The following RBFOX1 variants were observed in gnomAD, a reference collection of about 807,000 sequenced individuals.
RBFOX1 encodes the protein RNA binding fox-1 homolog 1, also known as RNA binding protein fox-1 homolog 1.
RBFOX1 carries 8 observed loss-of-function variants against 57.7 expected under a neutral mutation model. The observed-to-expected ratio is 0.14, with a 90% confidence interval of 0.08 to 0.25. The LOEUF (loss-of-function observed/expected upper bound fraction) is 0.25. Ranked by LOEUF, RBFOX1 falls within the 10% of genes least tolerant of loss-of-function variation. The pLI, the probability that RBFOX1 is intolerant of heterozygous loss-of-function variation, is 1.00. For synonymous variants in RBFOX1, 326 were observed against 222.4 expected, an observed-to-expected ratio of 1.47 and a Z score of -4.15; for missense variants, 611 against 548.5, an observed-to-expected ratio of 1.11 and a Z score of -1.14.
At position 5,559,161 on chromosome 16, in the gene RBFOX1, C is replaced by CT. The variant is rs1427081191; in HGVS notation, c.259-39741_259-39740insT. Among the ~76,000 whole-genome samples the CT allele has an allele frequency of 2.7e-3, 344 of 125,358 alleles. 4 individuals are homozygous for CT. Among genetic ancestry groups the CT allele is most frequent in the Non-Finnish European group, 4.4e-3 (271 of 61,892 alleles). The allele number at this position is 125,358 out of a possible 152,430, so 82.2% of individuals were successfully genotyped here. ...GTTTATATAGCTAGGAGAACCCCCC[C>CT]AGGCAAAAAAAAAAAAAAAAAAAAA... On this transcript the variant is annotated intron_variant, in intron 2 of 2. Coordinates refer to the RBFOX1 transcript ENST00000585867.
chr16:5,771,940 G>C lies in RBFOX1; in HGVS notation c.319-95363G>C, dbSNP rs188131968. Among the ~76,000 whole-genome samples the C allele has an allele frequency of 1.0e-3, 159 of 152,232 alleles. 2 individuals are homozygous for C. The highest frequency in any genetic ancestry group is 3.4e-3 in the African/African-American group (141 of 41,550). On this transcript the variant is annotated intron_variant, in intron 3 of 19. Transcript: ENST00000641259. ...TGTAATCCCAGCACTTTGGGAGGTCGAGGGGGGTGGATCACGAGGTCAGGA... is the reference window on the plus strand; with the variant it reads ...TGTAATCCCAGCACTTTGGGAGGTCCAGGGGGGTGGATCACGAGGTCAGGA...
intron 3 of RBFOX1, among the ~76,000 whole-genome samples, chr16:5,823,210 C>T (rs1312328061): frequency 6.6e-6 from 1 of 152,148 alleles, no homozygotes; most frequent in African/African-American, 2.4e-5. Flanking sequence ...AGTGGATGAA[C>T]ACCCATTCAC....
intron 2 of RBFOX1, among the ~76,000 whole-genome samples, chr16:6,639,443 G>A (rs2098469457): frequency 6.6e-6 from 1 of 152,120 alleles, no homozygotes; most frequent in South Asian, 2.1e-4. Flanking sequence ...GCCAGTAGGG[G>A]TCTGTTTAAT....
chr16:6,980,375 T>C (rs549363867), intron 3 of RBFOX1, among the ~76,000 whole-genome samples: 1 of 152,272 alleles, frequency 6.6e-6, no homozygotes, highest in African/African-American at 2.4e-5. Flanking sequence ...TTTTGTTTTC[T>C]AATCTTATCT....
rs1476684325 is a variant in RBFOX1 at position 7,392,858 on chromosome 16, T to TG, written c.28-125288dup. Among the ~76,000 whole-genome samples the TG allele has an allele frequency of 7.0e-5, 7 of 99,864 alleles. No homozygotes were observed. In the East Asian group the frequency reaches 1.2e-3, roughly 17 times the overall value. 65.5% of individuals were successfully genotyped at this position (99,864 alleles called of 152,430 possible). A position where few individuals can be genotyped will look rare whatever the true frequency, so the allele number is the denominator to read the frequency against. The stretch of plus-strand genomic sequence containing the variant: ...TTTGTTGTTTTGGTTTGGTTTGGTT[T>TG]GTTTGTTTGTTTGTTTGTTTGTTTG... On this transcript the variant is annotated intron_variant, in intron 4 of 15. Coordinates refer to ENST00000550418, the MANE Select transcript of RBFOX1 (RefSeq NM_018723.4).
At chr16:7,269,725 A>G (rs920732368) in intron 4 of RBFOX1, among the ~76,000 whole-genome samples, 3 of 152,180 alleles carry the variant, frequency 2.0e-5, no homozygotes, top group Non-Finnish European at 2.9e-5. Flanking sequence ...ATTTTCTTAT[A>G]CTCAAGTCTT....
At chr16:5,529,320 G>A (rs957191788) in intron 2 of RBFOX1, among the ~76,000 whole-genome samples, 2 of 151,078 alleles carry the variant, frequency 1.3e-5, no homozygotes, top group Non-Finnish European at 2.9e-5. Flanking sequence ...AAATTGGATT[G>A]TTCTGGTATA....
chr16:5,842,310 C>G (rs1464234283), intron 3 of RBFOX1, among the ~76,000 whole-genome samples: 2 of 152,016 alleles, frequency 1.3e-5, no homozygotes, highest in Non-Finnish European at 2.9e-5. Flanking sequence ...GTTGTTCCCT[C>G]CTAAGCTGAT....
chr16:6,583,276 C>G (rs73541303), intron 2 of RBFOX1, among the ~76,000 whole-genome samples: 2,230 of 152,288 alleles, frequency 0.015, 49 homozygotes, highest in African/African-American at 0.051. Context: ...AACACATGTG[C>G]AACTTCAGGA....
intron 2 of RBFOX1, among the ~76,000 whole-genome samples, chr16:6,613,229 C>A (rs1833456183): frequency 6.6e-6 from 1 of 152,054 alleles, no homozygotes; most frequent in African/African-American, 2.4e-5. Flanking sequence ...TGTGCACTTC[C>A]CTTCCCTGTC....
chr16:6,783,344 C>G lies in RBFOX1; in HGVS notation c.-16+128694C>G, dbSNP rs575290806. On this transcript the variant is annotated intron_variant, in intron 3 of 15. Transcript: ENST00000550418. ...TTTTTTTTTCTTCTTGTCTTCCTTT[C>G]TATATAAGCAATTTTCTGGTAATGT... Among the ~76,000 whole-genome samples the G allele has an allele frequency of 1.4e-4, 19 of 133,514 alleles. No homozygotes were observed. The South Asian group carries it at 4.1e-3, about 29-fold the overall frequency. 87.6% of individuals were successfully genotyped at this position (133,514 alleles called of 152,430 possible).
chr16:6,116,170 C>G (rs1474005401), intron 1 of RBFOX1, among the ~76,000 whole-genome samples: 4 of 151,220 alleles, frequency 2.6e-5, no homozygotes, highest in African/African-American at 9.8e-5. Context: ...AACACAGGAA[C>G]AGAAAACCGA....
chr16:5,965,465 G>T (rs1157344612), intron 4 of RBFOX1, among the ~76,000 whole-genome samples: 2 of 152,036 alleles, frequency 1.3e-5, no homozygotes, highest in African/African-American at 4.8e-5. Flanking sequence ...AGGGGGTGGG[G>T]AAACCAATCA....
At chr16:7,154,716 T>TGTGTGTGTGTGA (rs2076755607) in intron 4 of RBFOX1, among the ~76,000 whole-genome samples, 1 of 147,558 alleles carries the variant, frequency 6.8e-6, no homozygotes, top group African/African-American at 2.5e-5. Context: ...TGTGTGTGTG[T>TGTGTGTGTGTGA]GTGTGTGTGT....
At chr16:6,713,854 G>C (rs1459743630) in intron 3 of RBFOX1, among the ~76,000 whole-genome samples, 1 of 152,154 alleles carries the variant, frequency 6.6e-6, no homozygotes, top group Non-Finnish European at 1.5e-5. Flanking sequence ...AAGATCCTTG[G>C]TAAGACTTGG....
chr16:6,781,367 A>G (rs2080992835), intron 3 of RBFOX1, among the ~76,000 whole-genome samples: 5 of 151,980 alleles, frequency 3.3e-5, no homozygotes, highest in African/African-American at 1.2e-4. Flanking sequence ...TGTTCATCAG[A>G]TATATTAGTC....
intron 4 of RBFOX1, among the ~76,000 whole-genome samples, chr16:7,303,936 C>T (rs1253742305): frequency 1.3e-5 from 2 of 150,986 alleles, no homozygotes; most frequent in Non-Finnish European, 3.0e-5. Flanking sequence ...CAGAGAAGTT[C>T]CCTCTGCCGG....
intron 1 of RBFOX1, among the ~76,000 whole-genome samples, chr16:5,299,665 T>A (rs564679441): frequency 6.6e-6 from 1 of 152,390 alleles, no homozygotes; most frequent in East Asian, 1.9e-4. Context: ...TAGAAATATT[T>A]GTAACTCAAT....
chr16:6,712,998 C>T (rs530412971), intron 3 of RBFOX1, among the ~76,000 whole-genome samples: 234 of 150,004 alleles, frequency 1.6e-3, no homozygotes, highest in African/African-American at 3.8e-3. Context: ...TCTTGCCTGC[C>T]GCCATGTAAG....
Sources: gnomAD v4.1 joint callset for allele counts (sites outside exome capture counted in the v4.1 genomes callset) on GRCh38, gnomAD v4.1.1 for gene constraint, MANE v1.5 for transcripts, NCBI Gene and HGNC (gene_info 2026-07-23, HGNC 2026-07-21) for gene names.